BICRAL: variants seen among roughly 807,000 people sequenced by gnomAD.
The protein encoded by BICRAL is BRD4-interacting chromatin-remodeling complex-associated protein-like.
A neutral mutation model predicts 91.8 loss-of-function variants in BICRAL; 8 were observed. The observed-to-expected ratio is 0.09, with a 90% CI of 0.05 to 0.16. BICRAL has a LOEUF of 0.16. Among genes scored for constraint, BICRAL ranks in the 10% least tolerant of loss-of-function variants. BICRAL has a pLI of 1.00. For missense variants in BICRAL, 1,038 were observed against 1,310.9 expected (o/e 0.79, Z 3.21); for synonymous variants, 445 against 491.1 (o/e 0.91, Z 1.24).
At chr6:42,789,747 C>G (rs535916958) in intron 1 of BICRAL, among the ~76,000 whole-genome samples, 4 of 151,818 alleles carry the variant, frequency 2.6e-5, no homozygotes, top group South Asian at 2.1e-4. Context: ...ATTACTGAAA[C>G]TAAAGAGAAA....
intron 12 of BICRAL, among the ~76,000 whole-genome samples, 187 bp from the exon 13 acceptor site, chr6:42,864,472 C>T (rs1344532604): frequency 2.0e-5 from 3 of 152,222 alleles, no homozygotes; most frequent in African/African-American, 7.2e-5. Context: ...GGCTCCACAG[C>T]CTTGGCTGCC....
At chr6:42,812,848 A>G (rs1460879453) in intron 2 of BICRAL, among the ~76,000 whole-genome samples, 1 of 152,138 alleles carries the variant, frequency 6.6e-6, no homozygotes, top group African/African-American at 2.4e-5. Context: ...CCTCCTGGAC[A>G]ACATAGTAAA....
intron 5 of BICRAL, among the ~76,000 whole-genome samples, chr6:42,827,743 G>A (rs984068223): frequency 1.3e-5 from 2 of 152,054 alleles, no homozygotes; most frequent in Non-Finnish European, 2.9e-5. Flanking sequence ...AATTTAACTC[G>A]GTGTGGTGGG....
At chr6:42,817,699 A>G (rs1764031185) in intron 2 of BICRAL, among the ~76,000 whole-genome samples, 1 of 152,120 alleles carries the variant, frequency 6.6e-6, no homozygotes, top group Non-Finnish European at 1.5e-5. Flanking sequence ...AGCAGGTTCA[A>G]GAACATTTTT....
chr6:42,773,822 C>A (rs1198670635), intron 1 of BICRAL, among the ~76,000 whole-genome samples: 1 of 152,216 alleles, frequency 6.6e-6, no homozygotes, highest in Non-Finnish European at 1.5e-5. Flanking sequence ...AGCTGGCCAG[C>A]CTGTTTTTGG....
At chr6:42,785,669 G>C (rs1655099236) in intron 1 of BICRAL, among the ~76,000 whole-genome samples, 1 of 152,084 alleles carries the variant, frequency 6.6e-6, no homozygotes, top group African/African-American at 2.4e-5. Context: ...AGAAAAGGTT[G>C]TTTCCTGAAT....
chr6:42,848,917 A>G (rs556755570), intron 6 of BICRAL, among the ~76,000 whole-genome samples: 70 of 152,292 alleles, frequency 4.6e-4, no homozygotes, highest in African/African-American at 1.5e-3. Context: ...CCAGGTGTCC[A>G]CCATATGGGG....
In BICRAL at chr6:42,865,485, C is replaced by T. The variant is rs757948159; in HGVS notation, c.*39C>T. On this transcript the variant is annotated 3_prime_UTR_variant, in exon 13 of 13. Coordinates refer to ENST00000314073, the MANE Select transcript of BICRAL (RefSeq NM_001393499.1). ...CCCCCTACCCCGCCCCGAGACCCCACCCCGAGACCCCACCCCGGACCAGTT... is the reference window on the plus strand; with the variant it reads ...CCCCCTACCCCGCCCCGAGACCCCATCCCGAGACCCCACCCCGGACCAGTT... 5 of 1,142,624 alleles carry T rather than the reference C, an allele frequency of 4.4e-6. No individual in the cohort carries two copies. The African/African-American group carries it at 7.8e-5, about 18-fold the overall frequency. 70.8% of individuals were successfully genotyped at this position (1,142,624 alleles called of 1,614,324 possible). A position where few individuals can be genotyped will look rare whatever the true frequency, so the allele number is the denominator to read the frequency against.
chr6:42,788,222 CT>C (rs11304715), intron 1 of BICRAL, among the ~76,000 whole-genome samples: 9,918 of 113,290 alleles, frequency 0.088, 513 homozygotes, highest in African/African-American at 0.22. Flanking sequence ...GAGCAGCATT[CT>C]TTTTTTTTTT....
At chr6:42,826,352 A>G (rs572013030) in intron 5 of BICRAL, among the ~76,000 whole-genome samples, 91 of 150,152 alleles carry the variant, frequency 6.1e-4, no homozygotes, top group African/African-American at 2.1e-3. Context: ...CTCCTGCCTC[A>G]GTCTCCTGAG....
At chr6:42,806,144 A>G (rs1003768071) in intron 1 of BICRAL, among the ~76,000 whole-genome samples, 21 of 152,346 alleles carry the variant, frequency 1.4e-4, no homozygotes, top group Middle Eastern at 3.4e-3. Flanking sequence ...GGTTGCCAAG[A>G]TAACGGGATT....
intron 1 of BICRAL, among the ~76,000 whole-genome samples, chr6:42,787,315 G>A (rs1763128962): frequency 6.6e-6 from 1 of 152,132 alleles, no homozygotes; most frequent in African/African-American, 2.4e-5. Flanking sequence ...CAAGAGTTCT[G>A]TGTAAATACT....
chr6:42,750,567 C>T (rs76465735), intron 1 of BICRAL, among the ~76,000 whole-genome samples: 2,639 of 152,176 alleles, frequency 0.017, 37 homozygotes, highest in Non-Finnish European at 0.028. Flanking sequence ...ATCTGATTAT[C>T]CCATAATATA....
chr6:42,782,532 C>T (rs1373291424), intron 1 of BICRAL, among the ~76,000 whole-genome samples: 3 of 106,602 alleles, frequency 2.8e-5, no homozygotes, highest in Admixed American at 1.9e-4. Context: ...GGCGCCTCGG[C>T]GGGGTGGGGG....
chr6:42,776,034 T>G (rs1762802741), intron 1 of BICRAL, among the ~76,000 whole-genome samples: 1 of 152,178 alleles, frequency 6.6e-6, no homozygotes, highest in Non-Finnish European at 1.5e-5. Context: ...TTTATTTATT[T>G]ATTTTGAGTC....
At chr6:42,780,208 A>C (rs1199001885), upstream of BICRAL, among the ~76,000 whole-genome samples, 2 of 152,148 alleles carry the variant, frequency 1.3e-5, no homozygotes, top group African/African-American at 4.8e-5. Context: ...CCCTGACTAA[A>C]AAGATCTTCT....
At chr6:42,755,976 G>C (rs1762453079) in intron 1 of BICRAL, among the ~76,000 whole-genome samples, 1 of 152,034 alleles carries the variant, frequency 6.6e-6, no homozygotes, top group Non-Finnish European at 1.5e-5. Context: ...GCCCGGCCCA[G>C]TCACCTCTTT....
At chr6:42,842,261 A>G (rs1393664855) in intron 6 of BICRAL, among the ~76,000 whole-genome samples, 1 of 152,200 alleles carries the variant, frequency 6.6e-6, no homozygotes, top group African/African-American at 2.4e-5. Context: ...ATACAGAAGT[A>G]CTGTGCTACC....
chr6:42,865,505 C>A lies in BICRAL; in HGVS notation c.*59C>A. 1.1e-6 allele frequency: 1 copy of A among 908,190 alleles called. No individual in the cohort carries two copies. The highest frequency in any genetic ancestry group is 1.6e-5 in the South Asian group (1 of 62,328). 56.3% of individuals were successfully genotyped at this position (908,190 alleles called of 1,614,324 possible). ...CCCCACCCCGAGACCCCACCCCGGA[C>A]CAGTTACATTCGTTCCTGGCAAAAG... is the stretch of plus-strand genomic sequence containing the variant. On this transcript the variant is annotated 3_prime_UTR_variant, in exon 13 of 13. Coordinates refer to ENST00000314073, the MANE Select transcript of BICRAL (RefSeq NM_001393499.1).
Sources: allele counts gnomAD v4.1 joint callset (sites outside exome capture counted in the v4.1 genomes callset), GRCh38; gene constraint gnomAD v4.1.1; transcripts MANE v1.5; gene names NCBI Gene and HGNC (gene_info 2026-07-23, HGNC 2026-07-21).